The following RELL1 variants were observed in gnomAD, a reference collection of about 807,000 sequenced individuals.
The protein encoded by RELL1 is RELT-like protein 1.
RELL1 carries 10 observed loss-of-function variants against 23.0 expected under a neutral mutation model. That is an observed-to-expected ratio of 0.43 (90% CI 0.27 to 0.74). The LOEUF (loss-of-function observed/expected upper bound fraction) is 0.74. RELL1 is among the 30% of genes least tolerant of loss of function. RELL1 has a pLI of 0.19. For synonymous variants in RELL1, 146 were observed against 146.8 expected, an observed-to-expected ratio of 0.99 and a Z score of 0.04; for missense variants, 315 against 364.4, an observed-to-expected ratio of 0.86 and a Z score of 1.10.
chr4:37,605,853 A>C (rs1410316748), downstream of RELL1, among the ~76,000 whole-genome samples: 2 of 146,048 alleles, frequency 1.4e-5, no homozygotes, highest in African/African-American at 2.5e-5. Context: ...GAAGGAAAAG[A>C]AAAGAAAAGA....
chr4:37,678,560 C>T (rs1424436235), intron 1 of RELL1, among the ~76,000 whole-genome samples: 3 of 152,198 alleles, frequency 2.0e-5, no homozygotes, highest in Non-Finnish European at 2.9e-5. Flanking sequence ...GCACCCAGGG[C>T]TCAGGAGCAA....
intron 1 of RELL1, among the ~76,000 whole-genome samples, chr4:37,657,397 T>G (rs971253576): frequency 5.9e-5 from 9 of 151,778 alleles, no homozygotes; most frequent in African/African-American, 1.9e-4. Flanking sequence ...ACCCTCAGGG[T>G]GAAGGGAAGA....
chr4:37,591,963 C>G (rs1357852968), intron 6 of RELL1: 2 of 152,090 alleles, frequency 1.3e-5, no homozygotes, highest in African/African-American at 4.8e-5. Context: ...AATCCCAGCA[C>G]TTTGGGAGGC....
intron 6 of RELL1, among the ~76,000 whole-genome samples, chr4:37,596,954 G>A (rs1049173091): frequency 4.6e-5 from 7 of 151,198 alleles, no homozygotes; most frequent in African/African-American, 1.5e-4. Flanking sequence ...TGCCATGTTG[G>A]TCAGGCTGGT....
chr4:37,627,792 T>C (rs1720000411), intron 6 of RELL1, among the ~76,000 whole-genome samples: 1 of 152,212 alleles, frequency 6.6e-6, no homozygotes, highest in African/African-American at 2.4e-5. Context: ...TGCAGTAAAA[T>C]TGTTTGGCTA....
chr4:37,650,371 T>G (rs1720880657), intron 1 of RELL1, among the ~76,000 whole-genome samples: 1 of 152,194 alleles, frequency 6.6e-6, no homozygotes. Flanking sequence ...AAACATTGAA[T>G]GCATGCCAGT....
At chr4:37,660,766 T>A (rs13128262) in intron 1 of RELL1, among the ~76,000 whole-genome samples, 34,228 of 152,100 alleles carry the variant, frequency 0.23, 4,756 homozygotes, top group Admixed American at 0.3. Flanking sequence ...GCGCGGTGGC[T>A]CACGCCTGTA....
At chr4:37,669,127 A>T (rs1462782771) in intron 1 of RELL1, among the ~76,000 whole-genome samples, 5 of 92,298 alleles carry the variant, frequency 5.4e-5, no homozygotes, top group Admixed American at 1.1e-4. Context: ...GGCCGCCCCT[A>T]CTGGGAAGTG....
intron 1 of RELL1, among the ~76,000 whole-genome samples, chr4:37,677,581 T>C (rs1342778307): frequency 6.6e-6 from 1 of 152,210 alleles, no homozygotes; most frequent in East Asian, 1.9e-4. Flanking sequence ...AGATCAGCTA[T>C]CTAAGAATAA....
rs1159952722 is a variant in RELL1, at chr4:37,612,589, A to T, written c.*757T>A. Among the ~76,000 whole-genome samples the T allele has an allele frequency of 7.0e-6, 1 of 143,136 alleles. No homozygotes were observed. Among genetic ancestry groups the T allele is most frequent in the Non-Finnish European group, 1.5e-5 (1 of 66,234 alleles). 93.9% of individuals were successfully genotyped at this position (143,136 alleles called of 152,430 possible). A position where few individuals can be genotyped will look rare whatever the true frequency, so the allele number is the denominator to read the frequency against. On this transcript the variant is annotated 3_prime_UTR_variant, in exon 7 of 7. Coordinates refer to ENST00000454158, the MANE Select transcript of RELL1 (RefSeq NM_001085400.2). ...GAGGTGGAGATTGAGGTGAGTGGAGATTGTGCCACTGCACTCCAGCCTAGG... is the reference window on the plus strand; with the variant it reads ...GAGGTGGAGATTGAGGTGAGTGGAGTTTGTGCCACTGCACTCCAGCCTAGG...
downstream of RELL1, among the ~76,000 whole-genome samples, chr4:37,609,384 C>T (rs953786263): frequency 1.3e-5 from 2 of 152,188 alleles, no homozygotes; most frequent in African/African-American, 4.8e-5. Context: ...TTGACAAGGA[C>T]CTGGTCAGTT....
At chr4:37,593,181 C>T (rs1276263965) in intron 6 of RELL1, among the ~76,000 whole-genome samples, 1 of 152,160 alleles carries the variant, frequency 6.6e-6, no homozygotes, top group Non-Finnish European at 1.5e-5. Context: ...AATGCTTATT[C>T]CTTCAATGAT....
intron 1 of RELL1, 99 bp downstream of exon 1, chr4:37,686,101 G>T: frequency 2.9e-6 from 3 of 1,028,190 alleles, no homozygotes; most frequent in Non-Finnish European, 4.2e-6. Flanking sequence ...GTGCCAGAAA[G>T]CAGGACGCCG....
Position 37,611,392 on chromosome 4 carries a change from T to C in RELL1, c.*1954A>G, listed in dbSNP as rs539295561. Among the ~76,000 whole-genome samples the C allele has an allele frequency of 2.0e-5, 3 of 152,276 alleles. No homozygotes were observed. The East Asian group carries it at 5.8e-4, about 29-fold the overall frequency. The stretch of plus-strand genomic sequence containing the variant: ...ATGTACACATACAGTGTTTATTAGT[T>C]GTCAGTAAAAATTCTCATGAAACTA... On this transcript the variant is annotated 3_prime_UTR_variant, in exon 7 of 7. Transcript: ENST00000454158.
intron 6 of RELL1, among the ~76,000 whole-genome samples, chr4:37,598,716 G>C (rs553284731): frequency 6.6e-6 from 1 of 151,460 alleles, no homozygotes; most frequent in Non-Finnish European, 1.5e-5. Context: ...ATGGAGTCTC[G>C]CTCTGTCACC....
intron 6 of RELL1, among the ~76,000 whole-genome samples, chr4:37,621,455 C>CAAAAAAA (rs1030787464): frequency 6.6e-6 from 1 of 150,518 alleles, no homozygotes; most frequent in Non-Finnish European, 1.5e-5. Context: ...GACTCCATCT[C>CAAAAAAA]AAAAAATAAT....
intron 6 of RELL1, among the ~76,000 whole-genome samples, chr4:37,626,727 T>C (rs530816494): frequency 1.6e-4 from 24 of 152,202 alleles, no homozygotes; most frequent in East Asian, 1.2e-3. Flanking sequence ...AATCCTGTCA[T>C]TGAAGATAAA....
chr4:37,657,360 G>C (rs1351894810), intron 1 of RELL1, among the ~76,000 whole-genome samples: 1 of 152,162 alleles, frequency 6.6e-6, no homozygotes, highest in Non-Finnish European at 1.5e-5. Context: ...AGCTCCTTCT[G>C]AGCAAGCAAG....
At chr4:37,634,578 C>T (rs913293569) in intron 5 of RELL1, among the ~76,000 whole-genome samples, 1 of 152,242 alleles carries the variant, frequency 6.6e-6, no homozygotes, top group Non-Finnish European at 1.5e-5. Flanking sequence ...ATCTCAATAC[C>T]TGCCCTGGAT....
Sources: gnomAD v4.1 joint callset for allele counts (sites outside exome capture counted in the v4.1 genomes callset) on GRCh38, gnomAD v4.1.1 for gene constraint, MANE v1.5 for transcripts, NCBI Gene and HGNC (gene_info 2026-07-23, HGNC 2026-07-21) for gene names.